Variants in SORCS2 observed in about 807,000 individuals in gnomAD.
SORCS2 encodes the protein VPS10 domain-containing receptor SorCS2.
In SORCS2, 100 loss-of-function variants were observed where a neutral mutation model predicts 141.6. The ratio of observed to expected loss-of-function variants is 0.71; its 90% CI spans 0.60 to 0.83. The LOEUF is 0.83. Among genes scored for constraint, SORCS2 ranks in the 40% least tolerant of loss-of-function variants. The pLI is 0.00. For missense variants in SORCS2, 1,646 were observed against 1,560.2 expected (o/e 1.05, Z -0.93); for synonymous variants, 789 against 676.9 (o/e 1.17, Z -2.57).
chr4:7,709,977 A>C, intron 14 of SORCS2, among the ~76,000 whole-genome samples: 1 of 152,060 alleles, frequency 6.6e-6, no homozygotes, highest in Non-Finnish European at 1.5e-5. Context: ...CCCCTTCGGC[A>C]CCTCTTTCCT....
chr4:7,418,140 G>T (rs1299725708), intron 2 of SORCS2, among the ~76,000 whole-genome samples: 3 of 151,884 alleles, frequency 2.0e-5, no homozygotes, highest in African/African-American at 7.3e-5. Flanking sequence ...CCTTTTTTCT[G>T]AGTTTTTCTG....
intron 2 of SORCS2, among the ~76,000 whole-genome samples, chr4:7,486,824 T>C (rs1365830354): frequency 6.6e-6 from 1 of 152,214 alleles, no homozygotes; most frequent in Non-Finnish European, 1.5e-5. Flanking sequence ...TGAGGACACA[T>C]GTGCTTGGAT....
chr4:7,603,392 G>A (rs115731445), intron 3 of SORCS2, among the ~76,000 whole-genome samples: 2,066 of 152,216 alleles, frequency 0.014, 42 homozygotes, highest in African/African-American at 0.047. Flanking sequence ...TTTGTGGACC[G>A]ATTTTCTCCG....
Position 7,200,085 on chromosome 4 carries a change from G to A in SORCS2, c.480+6959G>A, listed in dbSNP as rs115749219. On this transcript the variant is annotated intron_variant, in intron 1 of 26. Coordinates refer to ENST00000507866, the MANE Select transcript of SORCS2 (RefSeq NM_020777.3). Reference sequence around the variant, plus strand: ...AGGGCAGCAGCGTGGATGGGCTCTCGTGCTGCTCTGGAGGCCCTGATCCCC... The same window carrying A: ...AGGGCAGCAGCGTGGATGGGCTCTCATGCTGCTCTGGAGGCCCTGATCCCC... Among the ~76,000 whole-genome samples, 404 of 152,170 alleles carry A rather than the reference G, an allele frequency of 2.7e-3. 1 individual carries two copies. Among genetic ancestry groups the A allele is most frequent in the African/African-American group, 9.0e-3 (372 of 41,494 alleles).
intron 12 of SORCS2, among the ~76,000 whole-genome samples, chr4:7,699,917 C>T (rs766554425): frequency 4.6e-5 from 7 of 152,192 alleles, no homozygotes; most frequent in Non-Finnish European, 1.0e-4. Flanking sequence ...AGCCCCTGCC[C>T]CTCTTGTCCG....
chr4:7,478,129 G>T (rs957406766), intron 2 of SORCS2, among the ~76,000 whole-genome samples: 1 of 152,178 alleles, frequency 6.6e-6, no homozygotes, highest in Non-Finnish European at 1.5e-5. Context: ...CTGGGGTCCC[G>T]CAGCAGACCA....
intron 12 of SORCS2, among the ~76,000 whole-genome samples, chr4:7,702,895 T>C (rs532513101): frequency 8.5e-4 from 129 of 152,380 alleles, no homozygotes; most frequent in Admixed American, 2.1e-3. Flanking sequence ...TGAGTCTTCA[T>C]GTCAAATTGG....
At chr4:7,448,314 G>C (rs1728136742) in intron 2 of SORCS2, among the ~76,000 whole-genome samples, 1 of 152,012 alleles carries the variant, frequency 6.6e-6, no homozygotes, top group Non-Finnish European at 1.5e-5. Context: ...TTAGGGCCCT[G>C]CGCCGGCCAG....
At chr4:7,359,327 A>T (rs4992137) in intron 1 of SORCS2, among the ~76,000 whole-genome samples, 136,961 of 151,920 alleles carry the variant, frequency 0.9, 61,838 homozygotes, top group Non-Finnish European at 0.93. Flanking sequence ...AAAAACAAAG[A>T]CTTACTTTGT....
intron 2 of SORCS2, among the ~76,000 whole-genome samples, chr4:7,426,582 G>C (rs1726454256): frequency 6.6e-6 from 1 of 152,194 alleles, no homozygotes; most frequent in Non-Finnish European, 1.5e-5. Flanking sequence ...GGAAGCTCAG[G>C]GAGGGTTGGT....
intron 5 of SORCS2, among the ~76,000 whole-genome samples, chr4:7,661,269 T>C (rs59735115): frequency 9.4e-6 from 1 of 106,810 alleles, no homozygotes; most frequent in Non-Finnish European, 1.9e-5. Context: ...CTCAGCTCAC[T>C]CAAGGAAAAC....
At position 7,246,657 on chromosome 4, in the gene SORCS2, A is replaced by G. The variant is rs73081842; in HGVS notation, c.480+53531A>G. The stretch of plus-strand genomic sequence containing the variant: ...CCTTGGGCCTTTGCTGCTCTAATCC[A>G]AAGGAGCAGTGATGGGAAGAGCCAG... On this transcript the variant is annotated intron_variant, in intron 1 of 26. Coordinates refer to ENST00000507866, the MANE Select transcript of SORCS2 (RefSeq NM_020777.3). 1.3e-3 allele frequency among the ~76,000 whole-genome samples: 204 copies of G among 152,270 alleles called. 1 individual carries two copies. Among genetic ancestry groups the G allele is most frequent in the African/African-American group, 4.8e-3 (199 of 41,556 alleles).
chr4:7,707,279 G>A (rs889242118), intron 14 of SORCS2, among the ~76,000 whole-genome samples: 1 of 152,200 alleles, frequency 6.6e-6, no homozygotes, highest in South Asian at 2.1e-4. Flanking sequence ...CTCTGATCAT[G>A]GAGAACGGGA....
intron 1 of SORCS2, among the ~76,000 whole-genome samples, chr4:7,204,232 T>C (rs1010464146): frequency 2.0e-5 from 3 of 152,104 alleles, no homozygotes; most frequent in East Asian, 3.9e-4. Flanking sequence ...TTTTTTCTTC[T>C]TGAGACTGGG....
At chr4:7,494,515 T>TAGAGAG (rs60156498) in intron 2 of SORCS2, among the ~76,000 whole-genome samples, 18 of 151,308 alleles carry the variant, frequency 1.2e-4, no homozygotes, top group African/African-American at 3.2e-4. Flanking sequence ...TCTCATGGTG[T>TAGAGAG]AGAGAGAGAG....
At chr4:7,690,404 A>G (rs1724159266) in intron 11 of SORCS2, among the ~76,000 whole-genome samples, 1 of 143,308 alleles carries the variant, frequency 7.0e-6, no homozygotes, top group African/African-American at 2.7e-5. Context: ...TGCTGAATTG[A>G]TGGATGGATG....
chr4:7,258,250 C>T (rs1446248193), intron 1 of SORCS2, among the ~76,000 whole-genome samples: 1 of 152,184 alleles, frequency 6.6e-6, no homozygotes, highest in African/African-American at 2.4e-5. Context: ...CTGCACCCAT[C>T]AACTTGTCAT....
intron 2 of SORCS2, among the ~76,000 whole-genome samples, chr4:7,499,156 A>G (rs1577662171): frequency 6.6e-6 from 1 of 151,822 alleles, no homozygotes; most frequent in Non-Finnish European, 1.5e-5. Flanking sequence ...TAGCACGAGT[A>G]TGTGCATGTG....
intron 1 of SORCS2, among the ~76,000 whole-genome samples, chr4:7,315,151 G>A (rs1718475902): frequency 6.6e-6 from 1 of 152,104 alleles, no homozygotes; most frequent in Non-Finnish European, 1.5e-5. Context: ...TGTTCTTCTT[G>A]TAGCTCTCCC....
Sources: allele counts gnomAD v4.1 joint callset (sites outside exome capture counted in the v4.1 genomes callset), GRCh38; gene constraint gnomAD v4.1.1; transcripts MANE v1.5; gene names NCBI Gene and HGNC (gene_info 2026-07-23, HGNC 2026-07-21).